Variants in ZC3H12D observed in about 807,000 individuals in gnomAD.
ZC3H12D encodes probable ribonuclease ZC3H12D.
Under a neutral mutation model 24.2 loss-of-function variants are expected in ZC3H12D, and 11 were observed. That is an observed-to-expected ratio of 0.46 (90% CI 0.29 to 0.75). The LOEUF (loss-of-function observed/expected upper bound fraction) is 0.75, where lower values mean the gene tolerates loss of function less well. Ranked by LOEUF, ZC3H12D falls within the 30% of genes least tolerant of loss-of-function variation. The pLI is 0.11. For synonymous variants in ZC3H12D, 333 were observed against 341.8 expected (o/e 0.97, Z 0.28); for missense variants, 740 against 767.7 (o/e 0.96, Z 0.43).
At chr6:149,474,710 A>G (rs943412785) in intron 1 of ZC3H12D, 97 bp from the exon 2 acceptor site, 16 of 536,348 alleles carry the variant, frequency 3.0e-5, no homozygotes, top group African/African-American at 1.9e-4. Flanking sequence ...CCTAGCTGTC[A>G]GGAAATCAGG....
Position 149,456,637 on chromosome 6 carries a change from C to CCGGGGGG in ZC3H12D, c.680+28_680+29insCCCCCCG. The CCGGGGGG allele has an allele frequency of 1.9e-6, 3 of 1,554,902 alleles. No homozygotes were observed. The highest frequency in any genetic ancestry group is 2.7e-6 in the Non-Finnish European group (3 of 1,130,040). On this transcript the variant is annotated intron_variant, in intron 4 of 5. Coordinates refer to ENST00000409806, the MANE Select transcript of ZC3H12D (RefSeq NM_207360.3). The surrounding 1 kb of genome is among the most constrained non-coding windows in gnomAD (Gnocchi z 4.3). ...CCCGGCCCCCCGCCCCGCCGCCCCCCAGGGTGTCAGGACCCCAGCCGGACC... is the reference window on the plus strand; with the variant it reads ...CCCGGCCCCCCGCCCCGCCGCCCCCCCGGGGGGAGGGTGTCAGGACCCCAGCCGGACC...
Position 149,474,377 on chromosome 6 carries a change from G to C in ZC3H12D, c.167C>G (p.Pro56Arg), listed in dbSNP as rs760889049. The change falls in exon 2 of 6, where the codon CCC becomes CGC. Residue 56 changes from proline (P) to arginine (R), a missense_variant. By Grantham distance (103) the Pro-to-Arg change is moderately radical. Coordinates refer to ENST00000409806, the MANE Select transcript of ZC3H12D (RefSeq NM_207360.3). ...ACAGGAGCCCCGAGGCACTAGCCTG[G>C]GTGCAGCCGGGTGCTCCAGGGCACC... Reference protein sequence around the residue: ...RPGALEHPAAPRLVPRGSCGV... With the variant: ...RPGALEHPAARRLVPRGSCGV... The C allele has an allele frequency of 8.7e-6, 14 of 1,608,100 alleles. No individual in the cohort carries two copies. The highest frequency in any genetic ancestry group is 1.2e-5 in the Non-Finnish European group (14 of 1,175,766).
rs1775806515 is a variant in ZC3H12D, at chr6:149,447,654, A to G, written c.*3029T>C. ...GTGGTAAAAAATGATTTATTTTTGA[A>G]GCATGGTTAACAGCTATGCAACTAG... is the stretch of plus-strand genomic sequence containing the variant. On this transcript the variant is annotated 3_prime_UTR_variant, in exon 6 of 6. Transcript: ENST00000409806. 2 of 152,252 alleles carry G rather than the reference A, an allele frequency of 1.3e-5. No homozygotes were observed. The highest frequency in any genetic ancestry group is 4.1e-4 in the South Asian group (2 of 4,838). The allele number at this position is 152,252 out of a possible 1,614,324, so 9.4% of individuals were successfully genotyped here.
At chr6:149,465,867 A>C (rs392928) in intron 2 of ZC3H12D, among the ~76,000 whole-genome samples, 55,074 of 151,594 alleles carry the variant, frequency 0.36, 10,515 homozygotes, top group African/African-American at 0.46. Context: ...CCCACCCCCC[A>C]ATTCCAGCTC....
At chr6:149,481,749 C>CTT (rs1776429219) in intron 1 of ZC3H12D, among the ~76,000 whole-genome samples, 1 of 148,694 alleles carries the variant, frequency 6.7e-6, no homozygotes, top group Non-Finnish European at 1.5e-5. Context: ...TGTTCCCTTC[C>CTT]CGAGGGTGAG....
In ZC3H12D at chr6:149,456,923, G is replaced by C; in HGVS notation, c.446-23C>G. The C allele has an allele frequency of 6.3e-7, 1 of 1,585,284 alleles. No individual in the cohort carries two copies. Among genetic ancestry groups the C allele is most frequent in the Non-Finnish European group, 8.6e-7 (1 of 1,168,982 alleles). ...GCTCTGAGGGCGGGGCGACGGAGAC[G>C]CGGGTGAGGGCCCAAGGGCACCGCC... On this transcript the variant is annotated intron_variant, in intron 3 of 5. Transcript: ENST00000409806. The surrounding 1 kb of genome is among the most constrained non-coding windows in gnomAD (Gnocchi z 4.3).
intron 2 of ZC3H12D, among the ~76,000 whole-genome samples, chr6:149,467,191 ATATC>A (rs1776176850): frequency 6.6e-6 from 1 of 152,192 alleles, no homozygotes; most frequent in South Asian, 2.1e-4. Context: ...CAATTCCTGA[ATATC>A]TACTACAAGG....
At chr6:149,460,798 A>G (rs1776060093) in intron 3 of ZC3H12D, among the ~76,000 whole-genome samples, 1 of 151,050 alleles carries the variant, frequency 6.6e-6, no homozygotes, top group East Asian at 1.9e-4. Flanking sequence ...CCGTTGTACT[A>G]TGGCCTGGGC....
intron 2 of ZC3H12D, 138 bp downstream of exon 2, chr6:149,474,101 G>A: frequency 3.1e-6 from 2 of 639,250 alleles, no homozygotes; most frequent in Admixed American, 7.2e-5. Context: ...CAGTTACTAA[G>A]AGATGGTACA....
At chr6:149,458,177 C>G (rs1396775468) in intron 3 of ZC3H12D, among the ~76,000 whole-genome samples, 1 of 132,292 alleles carries the variant, frequency 7.6e-6, no homozygotes, top group Non-Finnish European at 1.5e-5. Flanking sequence ...ACTGTGTCAC[C>G]CAGGCTGGAG....
intron 1 of ZC3H12D, among the ~76,000 whole-genome samples, chr6:149,478,059 C>T (rs1776368825): frequency 6.6e-6 from 1 of 150,836 alleles, no homozygotes; most frequent in Non-Finnish European, 1.5e-5. Context: ...CTCAGCTACT[C>T]AGGAGGCTGA....
chr6:149,476,353 A>C (rs1049942831), intron 1 of ZC3H12D, among the ~76,000 whole-genome samples: 4 of 152,148 alleles, frequency 2.6e-5, no homozygotes, highest in African/African-American at 7.2e-5. Context: ...AAAAATACAA[A>C]AATTAGCCAG....
chr6:149,480,600 G>A (rs1776409230), intron 1 of ZC3H12D, among the ~76,000 whole-genome samples: 1 of 152,208 alleles, frequency 6.6e-6, no homozygotes, highest in Non-Finnish European at 1.5e-5. Flanking sequence ...GCCGGGCGTG[G>A]TGGCGCATGC....
intron 1 of ZC3H12D, among the ~76,000 whole-genome samples, chr6:149,475,803 G>A (rs565409497): frequency 7.3e-4 from 111 of 151,992 alleles, no homozygotes; most frequent in Middle Eastern, 3.4e-3. Flanking sequence ...GGGGTGGCCT[G>A]GGAAGGGGGC....
chr6:149,470,150 G>A (rs1417479924), intron 2 of ZC3H12D, among the ~76,000 whole-genome samples: 1 of 152,122 alleles, frequency 6.6e-6, no homozygotes, highest in Non-Finnish European at 1.5e-5. Flanking sequence ...CTTGAGGTCA[G>A]GAGTTCAAGA....
At position 149,451,355 on chromosome 6, in the gene ZC3H12D, C is replaced by T. The variant is rs779528261; in HGVS notation, c.912G>A (p.Glu304=). Residue 304 remains glutamate, a synonymous_variant, in exon 6 of 6, where the codon GAG becomes GAA. Transcript: ENST00000409806. The part of the protein sequence containing the change: ...KTGARPGAGA[E]EQRPPRAPGG... ...CCGGGGCTCTCGGTGGCCGCTGCTC[C>T]TCGGCGCCCGCGCCAGGCCGGGCCC... The T allele has an allele frequency of 7.3e-6, 11 of 1,497,342 alleles. No homozygotes were observed. The highest frequency in any genetic ancestry group is 9.7e-6 in the Non-Finnish European group (11 of 1,134,916). The allele number at this position is 1,497,342 out of a possible 1,614,324, so 92.8% of individuals were successfully genotyped here.
chr6:149,471,755 C>T (rs1776247742), intron 2 of ZC3H12D, among the ~76,000 whole-genome samples: 1 of 152,216 alleles, frequency 6.6e-6, no homozygotes, highest in African/African-American at 2.4e-5. Flanking sequence ...CAGAAGGACA[C>T]TTCCAGGGGA....
At chr6:149,484,278 A>G (rs1007616800) in intron 1 of ZC3H12D, among the ~76,000 whole-genome samples, 6 of 152,164 alleles carry the variant, frequency 3.9e-5, no homozygotes, top group Non-Finnish European at 8.8e-5. Flanking sequence ...CAGTTTCCTC[A>G]TTAGCCTTTG....
chr6:149,473,618 G>A (rs1248603719), intron 2 of ZC3H12D, among the ~76,000 whole-genome samples: 1 of 152,142 alleles, frequency 6.6e-6, no homozygotes, highest in African/African-American at 2.4e-5. Context: ...TCACACAGCC[G>A]CATCTGCAGC....
Sources: allele counts gnomAD v4.1 joint callset (sites outside exome capture counted in the v4.1 genomes callset), GRCh38; gene constraint gnomAD v4.1.1; non-coding constraint Gnocchi (gnomAD v3.1); transcripts MANE v1.5; gene names NCBI Gene and HGNC (gene_info 2026-07-23, HGNC 2026-07-21).